The following SNRPE variants were observed in gnomAD, a reference collection of about 807,000 sequenced individuals.
SNRPE encodes small nuclear ribonucleoprotein polypeptide E.
For missense variants in SNRPE, 53 were observed against 111.6 expected (o/e 0.48, Z 2.36); for synonymous variants, 35 against 36.7 (o/e 0.95, Z 0.17).
intron 3 of SNRPE, among the ~76,000 whole-genome samples, chr1:203,864,081 A>G (rs892150422): frequency 2.0e-5 from 3 of 151,984 alleles, no homozygotes; most frequent in African/African-American, 7.3e-5. Context: ...CAGCCTCCCA[A>G]GTAGCTAGGA....
chr1:203,864,754 T>TA (rs935817763), intron 3 of SNRPE, among the ~76,000 whole-genome samples: 23 of 151,856 alleles, frequency 1.5e-4, no homozygotes, highest in Non-Finnish European at 5.9e-5. Flanking sequence ...GTGCGCCCTG[T>TA]AGTTCCAGCT....
At position 203,861,673 on chromosome 1, in the gene SNRPE, G is replaced by C. The variant is rs760992473; in HGVS notation, c.14G>C (p.Gly5Ala). Residue 5 changes from glycine (G) to alanine (A), a missense_variant, in exon 1 of 5, where the codon GGC (glycine) becomes GCC (alanine). Physicochemically the swap from Gly to Ala is moderately conservative, Grantham distance 60. Transcript: ENST00000414487. The part of the protein sequence containing the change: MAYR[G>A]QGQKVQKVMV... ...TGAAATTCCACCATGGCGTACCGTG[G>C]CCAGGGTCAGAAAGTGCAGAAGGTT... The C allele has an allele frequency of 4.0e-5, 65 of 1,613,352 alleles. No homozygotes were observed. The highest frequency in any genetic ancestry group is 5.4e-5 in the Non-Finnish European group (64 of 1,179,366).
chr1:203,867,123 A>AAAAAAAAAAAAAAAAAAAAAAAC (rs1553274873), intron 4 of SNRPE, among the ~76,000 whole-genome samples: 1 of 141,294 alleles, frequency 7.1e-6, no homozygotes, highest in East Asian at 2.1e-4. Flanking sequence ...AAAAAAAAAA[A>AAAAAAAAAAAAAAAAAAAAAAAC]AAAAAAATTA....
At chr1:203,861,785 C>G (rs141496339) in intron 1 of SNRPE, 72 bp downstream of exon 1, 21 of 1,129,918 alleles carry the variant, frequency 1.9e-5, no homozygotes, top group Non-Finnish European at 2.7e-5. Context: ...AGGCTGAGGG[C>G]AGGCCTGGGA....
intron 3 of SNRPE, among the ~76,000 whole-genome samples, chr1:203,864,825 C>T (rs60445096): frequency 0.2 from 29,391 of 143,426 alleles, 3,084 homozygotes; most frequent in Middle Eastern, 0.28. Flanking sequence ...TGCAGTAAGC[C>T]GAGGTTGCAC....
chr1:203,865,399 T>C (rs899407923), intron 4 of SNRPE, among the ~76,000 whole-genome samples: 1 of 152,168 alleles, frequency 6.6e-6, no homozygotes, highest in Non-Finnish European at 1.5e-5. Context: ...TCAACAGCAT[T>C]TGGCACTGTT....
intron 4 of SNRPE, among the ~76,000 whole-genome samples, chr1:203,867,594 T>G (rs1433111192): frequency 1.3e-5 from 2 of 152,120 alleles, no homozygotes; most frequent in Non-Finnish European, 2.9e-5. Flanking sequence ...CCTAGATCCC[T>G]CTTTGCCCGG....
At chr1:203,863,616 G>A (rs180852906) in intron 2 of SNRPE, 47 bp from the exon 3 acceptor site, 5 of 1,428,004 alleles carry the variant, frequency 3.5e-6, no homozygotes, top group African/African-American at 2.8e-5. Flanking sequence ...ACCGCGCCCG[G>A]CCCTATTTTT....
rs117963426 is a variant in SNRPE at position 203,863,290 on chromosome 1, G to A, written c.82-373G>A. 1.8e-3 allele frequency among the ~76,000 whole-genome samples: 276 copies of A among 152,124 alleles called. 8 individuals are homozygous for A. The East Asian group carries it at 0.045, about 25-fold the overall frequency. On this transcript the variant is annotated intron_variant, in intron 2 of 4. Coordinates refer to ENST00000414487, the MANE Select transcript of SNRPE (RefSeq NM_003094.4). Reference sequence around the variant, plus strand: ...TTCCGCTTTGGCATCCCAAAGTATGGGAACGGTGTGAATCGAGGCACCTGG... The same window carrying A: ...TTCCGCTTTGGCATCCCAAAGTATGAGAACGGTGTGAATCGAGGCACCTGG...
chr1:203,861,827 C>G (rs1177436416), intron 1 of SNRPE, 114 bp downstream of exon 1: 1 of 828,728 alleles, frequency 1.2e-6, no homozygotes, highest in East Asian at 2.5e-5. Context: ...CCCATGAGCC[C>G]CCGGGGCTAC....
In SNRPE at chr1:203,869,289, C is replaced by CTTTTTTTTTTTTTTTTTTTT. The variant is rs564988259; in HGVS notation, c.224-573_224-554dup. On this transcript the variant is annotated intron_variant, in intron 4 of 4. Transcript: ENST00000414487. ...AGGTTTGTTTATTGTAGGATGGAGT[C>CTTTTTTTTTTTTTTTTTTTT]TTTTTTTTTTTTTTTTTTTTTTTTT... is the stretch of plus-strand genomic sequence containing the variant. 9.0e-5 allele frequency among the ~76,000 whole-genome samples: 6 copies of CTTTTTTTTTTTTTTTTTTTT among 66,812 alleles called. 1 individual carries two copies. The highest frequency in any genetic ancestry group is 1.6e-4 in the Non-Finnish European group (6 of 37,906). The allele number at this position is 66,812 out of a possible 152,430, so 43.8% of individuals were successfully genotyped here.
At chr1:203,866,723 G>A (rs533683852) in intron 4 of SNRPE, among the ~76,000 whole-genome samples, 1 of 151,798 alleles carries the variant, frequency 6.6e-6, no homozygotes, top group Non-Finnish European at 1.5e-5. Context: ...TCATCCCTTT[G>A]CTTGAAATAC....
chr1:203,862,112 G>C, intron 1 of SNRPE, 84 bp from the exon 2 acceptor site: 1 of 1,090,386 alleles, frequency 9.2e-7, no homozygotes, highest in South Asian at 1.3e-5. Context: ...AAACAAAGGT[G>C]AGACGGGAAT....
rs755797967 is a variant in SNRPE at position 203,863,667 on chromosome 1, C to T, written c.86C>T (p.Ser29Leu). 6.2e-7 allele frequency: 1 copy of T among 1,609,346 alleles called. No homozygotes were observed. Among genetic ancestry groups the T allele is most frequent in the Non-Finnish European group, 8.5e-7 (1 of 1,175,864 alleles). ...CCACTTTTATGATTATTTCAGAGAT[C>T]GCGGATTCAGGTGTGGCTCTATGAG... is the stretch of plus-strand genomic sequence containing the variant. ...NLIFRYLQNR[S>L]RIQVWLYEQV... Residue 29 changes from serine (S) to leucine (L), a missense_variant, in exon 3 of 5, where the codon TCG (serine) becomes TTG (leucine). Transcript: ENST00000414487.
At chr1:203,865,312 A>G (rs1302117660) in intron 4 of SNRPE, among the ~76,000 whole-genome samples, 193 bp downstream of exon 4, 2 of 152,170 alleles carry the variant, frequency 1.3e-5, no homozygotes, top group Admixed American at 1.3e-4. Flanking sequence ...CTCCACCCAG[A>G]GAGCTCTCAC....
rs183059494 is a variant in SNRPE, at chr1:203,865,681, T to C, written c.223+562T>C. ...GCTCAATCCCCAAGATTGCCTTCCA[T>C]GCCCCTCAGTCCTCCACCAGATGCT... On this transcript the variant is annotated intron_variant, in intron 4 of 4. Coordinates refer to ENST00000414487, the MANE Select transcript of SNRPE (RefSeq NM_003094.4). Among the ~76,000 whole-genome samples the C allele has an allele frequency of 5.9e-5, 9 of 152,304 alleles. No individual in the cohort carries two copies. The East Asian group carries it at 1.7e-3, about 29-fold the overall frequency.
At chr1:203,867,211 C>T (rs1343560591) in intron 4 of SNRPE, among the ~76,000 whole-genome samples, 2 of 149,484 alleles carry the variant, frequency 1.3e-5, no homozygotes, top group Admixed American at 6.8e-5. Flanking sequence ...ACCTGGGAGG[C>T]GGAGCTTGCA....
intron 2 of SNRPE, 174 bp from the exon 3 acceptor site, chr1:203,863,489 T>A: frequency 1.8e-6 from 1 of 552,184 alleles, no homozygotes; most frequent in Non-Finnish European, 3.3e-6. Flanking sequence ...AGCTAATTTT[T>A]TTTGTATTTT....
rs535337444 is a variant in SNRPE, at chr1:203,861,640, G to A, written c.-20G>A. ...GCTCTCAGAGGCAGCGTGCGGGTGT[G>A]CTCTTTGTGAAATTCCACCATGGCG... On this transcript the variant is annotated 5_prime_UTR_variant, in exon 1 of 5. Transcript: ENST00000414487. 3 of 1,606,584 alleles carry A rather than the reference G, an allele frequency of 1.9e-6. No individual in the cohort carries two copies. Among genetic ancestry groups the A allele is most frequent in the South Asian group, 1.1e-5 (1 of 90,902 alleles).
Sources: gnomAD v4.1 joint callset for allele counts (sites outside exome capture counted in the v4.1 genomes callset) on GRCh38, gnomAD v4.1.1 for gene constraint, MANE v1.5 for transcripts, NCBI Gene and HGNC (gene_info 2026-07-23, HGNC 2026-07-21) for gene names.